WDR25: variants seen among roughly 807,000 people sequenced by gnomAD.
WDR25 encodes WD repeat domain 25, also known as WD repeat-containing protein 25.
A neutral mutation model predicts 47.7 loss-of-function variants in WDR25; 35 were observed. That is an observed-to-expected ratio of 0.73 (90% confidence interval 0.56 to 0.97). The LOEUF (loss-of-function observed/expected upper bound fraction) is 0.97. WDR25 is among the 50% of genes least tolerant of loss of function. WDR25 has a pLI of 0.00. For synonymous variants in WDR25, 248 were observed against 278.9 expected (o/e 0.89, Z 1.10); for missense variants, 634 against 704.7 (o/e 0.90, Z 1.14).
intron 2 of WDR25, among the ~76,000 whole-genome samples, chr14:100,427,161 G>C (rs1898192606): frequency 6.6e-6 from 1 of 151,960 alleles, no homozygotes; most frequent in Non-Finnish European, 1.5e-5. Flanking sequence ...ACCCTGCCTG[G>C]CCAGCCTTCA....
intron 2 of WDR25, among the ~76,000 whole-genome samples, chr14:100,397,347 A>G (rs919274160): frequency 2.0e-5 from 3 of 152,170 alleles, no homozygotes; most frequent in East Asian, 3.8e-4. Context: ...ACTTCTTACA[A>G]ATGGACTCTT....
chr14:100,504,459 T>G (rs1304636764), intron 4 of WDR25: 1 of 152,268 alleles, frequency 6.6e-6, no homozygotes, highest in Non-Finnish European at 1.5e-5. Flanking sequence ...CTGTTCCTTC[T>G]GTATGTCTTA....
intron 2 of WDR25, among the ~76,000 whole-genome samples, chr14:100,436,307 G>A (rs932413131): frequency 1.8e-4 from 27 of 152,180 alleles, no homozygotes; most frequent in African/African-American, 5.6e-4. Context: ...ACCTGGGCCC[G>A]CCTTTTCACC....
intron 2 of WDR25, among the ~76,000 whole-genome samples, chr14:100,437,140 C>G (rs78942235): frequency 0.085 from 12,889 of 152,152 alleles, 713 homozygotes; most frequent in Non-Finnish European, 0.13. Context: ...GCTGAGGGCT[C>G]AGGAGAGTGG....
chr14:100,423,676 C>T (rs754775479), intron 2 of WDR25, among the ~76,000 whole-genome samples: 6 of 152,166 alleles, frequency 3.9e-5, no homozygotes, highest in East Asian at 1.9e-4. Flanking sequence ...AATCTGGTTC[C>T]ATCTGAACAC....
chr14:100,490,096 C>T lies in WDR25; in HGVS notation c.1101+5972C>T, dbSNP rs1900512825. Reference sequence around the variant, plus strand: ...CACCCTCTGCAGGCACGTGTCCTAACATGCAGGTGACAGGGGAGTGGGTGG... The same window carrying T: ...CACCCTCTGCAGGCACGTGTCCTAATATGCAGGTGACAGGGGAGTGGGTGG... On this transcript the variant is annotated intron_variant, in intron 4 of 6. Transcript: ENST00000402312. 1.3e-5 allele frequency among the ~76,000 whole-genome samples: 2 copies of T among 152,216 alleles called. 1 individual carries two copies. The highest frequency in any genetic ancestry group is 4.1e-4 in the South Asian group (2 of 4,832).
intron 3 of WDR25, chr14:100,481,183 TA>T: frequency 2.3e-6 from 1 of 432,508 alleles, no homozygotes; most frequent in Non-Finnish European, 4.5e-6. Flanking sequence ...ACCAAGAAAC[TA>T]AAGTAGAGTT....
chr14:100,493,671 AC>A (rs1900638441), intron 4 of WDR25, among the ~76,000 whole-genome samples: 1 of 152,166 alleles, frequency 6.6e-6, no homozygotes, highest in Admixed American at 6.5e-5. Context: ...GTTAGGGTTC[AC>A]TTTTGATGTT....
chr14:100,416,344 T>C (rs1897868130), intron 2 of WDR25, among the ~76,000 whole-genome samples: 2 of 152,240 alleles, frequency 1.3e-5, no homozygotes, highest in African/African-American at 4.8e-5. Flanking sequence ...TTCTCAACTC[T>C]GATTGTCATT....
At chr14:100,501,010 A>G (rs1028893296) in intron 4 of WDR25, among the ~76,000 whole-genome samples, 3 of 152,182 alleles carry the variant, frequency 2.0e-5, no homozygotes, top group Non-Finnish European at 4.4e-5. Flanking sequence ...AATTAGATTC[A>G]ATTCAAATTC....
intron 3 of WDR25, among the ~76,000 whole-genome samples, chr14:100,483,731 C>T (rs1444426074): frequency 6.6e-6 from 1 of 152,130 alleles, no homozygotes; most frequent in East Asian, 1.9e-4. Context: ...GTGAAAGGTG[C>T]ACTCATCAAT....
intron 4 of WDR25, among the ~76,000 whole-genome samples, chr14:100,492,017 A>G (rs1426340877): frequency 6.6e-6 from 1 of 152,164 alleles, no homozygotes; most frequent in Non-Finnish European, 1.5e-5. Flanking sequence ...GCTTCTCCCT[A>G]TTGCAGGAAG....
At chr14:100,385,244 A>G (rs1268707219) in intron 2 of WDR25, among the ~76,000 whole-genome samples, 1 of 152,242 alleles carries the variant, frequency 6.6e-6, no homozygotes, top group Admixed American at 6.5e-5. Flanking sequence ...ATCGATAAAA[A>G]TTAAAACAAA....
intron 2 of WDR25, among the ~76,000 whole-genome samples, chr14:100,456,912 GA>G (rs1357321559): frequency 6.6e-6 from 1 of 152,076 alleles, no homozygotes; most frequent in Non-Finnish European, 1.5e-5. Flanking sequence ...CAGGAAACAT[GA>G]AGAAAAAAGT....
chr14:100,493,345 T>A (rs930485550), intron 4 of WDR25, among the ~76,000 whole-genome samples: 1 of 152,254 alleles, frequency 6.6e-6, no homozygotes, highest in Non-Finnish European at 1.5e-5. Context: ...TAGATTTGTC[T>A]GTTATGAACA....
At chr14:100,503,428 C>T (rs1901007997) in intron 4 of WDR25, among the ~76,000 whole-genome samples, 1 of 152,124 alleles carries the variant, frequency 6.6e-6, no homozygotes, top group Admixed American at 6.5e-5. Flanking sequence ...CTTGGGGCCT[C>T]TGTTTCCTTG....
At chr14:100,507,651 G>GT (rs763908066) in intron 4 of WDR25, among the ~76,000 whole-genome samples, 5,709 of 130,668 alleles carry the variant, frequency 0.044, 151 homozygotes, top group African/African-American at 0.075. Flanking sequence ...AGGTATTTGT[G>GT]TTTTTTTTTT....
intron 4 of WDR25, among the ~76,000 whole-genome samples, chr14:100,484,984 G>A (rs965145377): frequency 1.3e-5 from 2 of 152,158 alleles, no homozygotes; most frequent in Non-Finnish European, 2.9e-5. Context: ...TACAGTAAAA[G>A]CCAATGTCTC....
intron 2 of WDR25, among the ~76,000 whole-genome samples, chr14:100,417,639 C>G (rs1248857148): frequency 6.6e-6 from 1 of 152,148 alleles, no homozygotes; most frequent in Non-Finnish European, 1.5e-5. Flanking sequence ...TGCTAGAGAC[C>G]GAGCCTTTTC....
Sources: gnomAD v4.1 joint callset for allele counts (sites outside exome capture counted in the v4.1 genomes callset) on GRCh38, gnomAD v4.1.1 for gene constraint, MANE v1.5 for transcripts, NCBI Gene and HGNC (gene_info 2026-07-23, HGNC 2026-07-21) for gene names.